ZNF569: variants seen among roughly 807,000 people sequenced by gnomAD.
The protein encoded by ZNF569 is DNA-binding protein.
ZNF569 carries 38 observed loss-of-function variants against 56.3 expected under a neutral mutation model. The ratio of observed to expected loss-of-function variants is 0.68; its 90% CI spans 0.52 to 0.88. The LOEUF (loss-of-function observed/expected upper bound fraction) is 0.88, where lower values mean the gene tolerates loss of function less well. ZNF569 is among the 40% of genes least tolerant of loss of function. The pLI is 0.00. For missense variants in ZNF569, 666 were observed against 809.2 expected, an observed-to-expected ratio of 0.82 and a Z score of 2.15; for synonymous variants, 241 against 262.9, an observed-to-expected ratio of 0.92 and a Z score of 0.81.
intron 3 of ZNF569, among the ~76,000 whole-genome samples, chr19:37,430,818 C>T (rs1054148304): frequency 3.3e-5 from 5 of 152,202 alleles, no homozygotes; most frequent in African/African-American, 4.8e-5. Flanking sequence ...GAATTGCTAA[C>T]GCCATCCCTC....
At chr19:37,441,017 T>C (rs1288787808) in intron 3 of ZNF569, among the ~76,000 whole-genome samples, 1 of 152,228 alleles carries the variant, frequency 6.6e-6, no homozygotes, top group Non-Finnish European at 1.5e-5. Context: ...CAAACACGTT[T>C]AACCAGTATA....
chr19:37,460,354 G>C (rs1265365730), intron 2 of ZNF569, among the ~76,000 whole-genome samples: 2 of 152,100 alleles, frequency 1.3e-5, no homozygotes, highest in Non-Finnish European at 2.9e-5. Flanking sequence ...TGTTGGCCAG[G>C]TTGGTCCTAA....
intron 2 of ZNF569, among the ~76,000 whole-genome samples, chr19:37,446,995 T>C (rs1025257775): frequency 6.6e-6 from 1 of 152,096 alleles, no homozygotes; most frequent in South Asian, 2.1e-4. Flanking sequence ...AACGAACGTA[T>C]GAAAAAATAC....
At chr19:37,457,551 G>A (rs139339934) in intron 2 of ZNF569, among the ~76,000 whole-genome samples, 2,785 of 152,206 alleles carry the variant, frequency 0.018, 41 homozygotes, top group Non-Finnish European at 0.031. Flanking sequence ...CATGGATGAA[G>A]CTGGAAACCA....
chr19:37,457,345 C>T (rs1350647333), intron 2 of ZNF569, among the ~76,000 whole-genome samples: 2 of 152,064 alleles, frequency 1.3e-5, no homozygotes, highest in African/African-American at 4.8e-5. Flanking sequence ...GTAACACTCC[C>T]CTGTTTAAAC....
At chr19:37,440,814 A>C (rs1173246292) in intron 3 of ZNF569, among the ~76,000 whole-genome samples, 1 of 152,224 alleles carries the variant, frequency 6.6e-6, no homozygotes, top group Non-Finnish European at 1.5e-5. Flanking sequence ...TCTGCCCTAC[A>C]TTTCTGGAGA....
intron 3 of ZNF569, among the ~76,000 whole-genome samples, chr19:37,428,194 A>T (rs2146895869): frequency 6.6e-6 from 1 of 152,324 alleles, no homozygotes; most frequent in East Asian, 1.9e-4. Context: ...TAGAACTTAC[A>T]TATACACAAA....
At chr19:37,437,782 A>C (rs1031765837) in intron 3 of ZNF569, among the ~76,000 whole-genome samples, 1 of 152,188 alleles carries the variant, frequency 6.6e-6, no homozygotes, top group Non-Finnish European at 1.5e-5. Context: ...GATCTCTACA[A>C]TGAAAATTAT....
At chr19:37,441,086 T>A (rs1254984339) in intron 3 of ZNF569, among the ~76,000 whole-genome samples, 1 of 152,186 alleles carries the variant, frequency 6.6e-6, no homozygotes, top group East Asian at 1.9e-4. Flanking sequence ...TTTCTCCACT[T>A]AACTTTATTG....
intron 3 of ZNF569, among the ~76,000 whole-genome samples, chr19:37,434,933 C>T (rs1040374390): frequency 2.0e-5 from 3 of 152,122 alleles, no homozygotes; most frequent in Admixed American, 6.6e-5. Flanking sequence ...GGACTCAGCC[C>T]GCCTGCACCC....
rs886507425 is a variant in ZNF569 at position 37,411,939 on chromosome 19, C to T, written c.*658G>A. 3 of 152,046 alleles carry T rather than the reference C, an allele frequency of 2.0e-5. No homozygotes were observed. The highest frequency in any genetic ancestry group is 7.2e-5 in the African/African-American group (3 of 41,380). 9.4% of individuals were successfully genotyped at this position (152,046 alleles called of 1,614,324 possible). A position where few individuals can be genotyped will look rare whatever the true frequency, so the allele number is the denominator to read the frequency against. On this transcript the variant is annotated 3_prime_UTR_variant, in exon 6 of 6. Coordinates refer to ENST00000316950, the MANE Select transcript of ZNF569 (RefSeq NM_152484.3). ...TGATATATCTAATAATAGAGTGTGT[C>T]TTCTCTACTTGCTTTGTCAAGTTTG...
intron 5 of ZNF569, among the ~76,000 whole-genome samples, chr19:37,417,133 A>G (rs1009612428): frequency 1.3e-5 from 2 of 152,198 alleles, no homozygotes; most frequent in Non-Finnish European, 2.9e-5. Flanking sequence ...CCACAAACCA[A>G]GGAATGTCTG....
chr19:37,426,916 G>A (rs182927493), intron 3 of ZNF569, among the ~76,000 whole-genome samples: 4 of 152,330 alleles, frequency 2.6e-5, no homozygotes, highest in Non-Finnish European at 5.9e-5. Flanking sequence ...TGGAAAAGGG[G>A]CCACAGATAG....
chr19:37,417,566 A>T (rs2040955239), intron 5 of ZNF569, among the ~76,000 whole-genome samples: 4 of 152,112 alleles, frequency 2.6e-5, no homozygotes, highest in Admixed American at 2.6e-4. Flanking sequence ...GTTATTTCTA[A>T]GTTACCCAGC....
chr19:37,427,778 T>C (rs765957828), intron 3 of ZNF569: 3 of 515,840 alleles, frequency 5.8e-6, no homozygotes, highest in South Asian at 2.8e-5. Flanking sequence ...CCAGGGGTTT[T>C]TAATATTTCC....
At chr19:37,427,705 T>C (rs1026471053) in intron 3 of ZNF569, 6 of 449,984 alleles carry the variant, frequency 1.3e-5, no homozygotes, top group African/African-American at 8.0e-5. Context: ...AAAATCATGA[T>C]GCTTGCAATA....
chr19:37,424,238 T>C (rs562937447), intron 5 of ZNF569, among the ~76,000 whole-genome samples: 16 of 152,336 alleles, frequency 1.1e-4, no homozygotes, highest in African/African-American at 3.1e-4. Flanking sequence ...AGTAAGGGAC[T>C]ATAAATGTCA....
intron 2 of ZNF569, among the ~76,000 whole-genome samples, chr19:37,464,760 C>A (rs1400760211): frequency 1.3e-5 from 2 of 152,154 alleles, no homozygotes; most frequent in Non-Finnish European, 2.9e-5. Context: ...TTAAGCAACA[C>A]AATTGTAGCT....
rs977231692 is a variant in ZNF569 at position 37,431,173 on chromosome 19, A to G, written c.16-4795T>C. ...CTGGTGCTGTGCTGGGCTTGGAGCCAGTGGACTAGGGGGTCATGGGACCCA... is the reference window on the plus strand; with the variant it reads ...CTGGTGCTGTGCTGGGCTTGGAGCCGGTGGACTAGGGGGTCATGGGACCCA... On this transcript the variant is annotated intron_variant, in intron 3 of 5. Transcript: ENST00000316950. 5.3e-4 allele frequency among the ~76,000 whole-genome samples: 81 copies of G among 152,228 alleles called. 1 individual carries two copies. Among genetic ancestry groups the G allele is most frequent in the Middle Eastern group, 3.4e-3 (1 of 294 alleles).
Sources: gnomAD v4.1 joint callset for allele counts (sites outside exome capture counted in the v4.1 genomes callset) on GRCh38, gnomAD v4.1.1 for gene constraint, MANE v1.5 for transcripts, NCBI Gene and HGNC (gene_info 2026-07-23, HGNC 2026-07-21) for gene names.